CCDC187: variants seen among roughly 807,000 people sequenced by gnomAD.
CCDC187 encodes coiled-coil domain containing 187.
CCDC187 carries 32 observed loss-of-function variants against 38.0 expected under a neutral mutation model. The observed-to-expected ratio is 0.84, with a 90% CI of 0.64 to 1.13. CCDC187 has a LOEUF of 1.13. CCDC187 is among the 50% of genes most tolerant of loss of function. The pLI, the probability that CCDC187 is intolerant of heterozygous loss-of-function variation, is 0.00. For missense variants in CCDC187, 707 were observed against 786.8 expected (o/e 0.90, Z 1.21); for synonymous variants, 333 against 347.9 (o/e 0.96, Z 0.48).
chr9:136,290,733 C>G lies in CCDC187; in HGVS notation c.1880G>C (p.Arg627Pro). The change falls in exon 6 of 26, where the codon CGG (arginine) becomes CCG (proline). Residue 627 changes from arginine to proline, a missense_variant. Transcript: ENST00000638797. ...GCTGTGCGAGGGTCCCAGGAGCCCC[C>G]GGGACCTGGGGCAGGGCCGCAGCGT... ...KDTLRPCPRS[R>P]GLLGPSHSSE... 2 of 398,482 alleles carry G rather than the reference C, an allele frequency of 5.0e-6. No homozygotes were observed. The highest frequency in any genetic ancestry group is 8.9e-6 in the Non-Finnish European group (2 of 225,932). The allele number at this position is 398,482 out of a possible 1,614,324, so 24.7% of individuals were successfully genotyped here. A position where few individuals can be genotyped will look rare whatever the true frequency, so the allele number is the denominator to read the frequency against.
chr9:136,291,057 C>T lies in CCDC187; in HGVS notation c.1556G>A (p.Ser519Asn). 1 of 398,706 alleles carries T rather than the reference C, an allele frequency of 2.5e-6. No homozygotes were observed. The highest frequency in any genetic ancestry group is 4.4e-6 in the Non-Finnish European group (1 of 226,174). 24.7% of individuals were successfully genotyped at this position (398,706 alleles called of 1,614,324 possible). The stretch of plus-strand genomic sequence containing the variant: ...GAAGGGGCTCCGCTTTTCAGGGGGG[C>T]TCCCAGGCCTCTGGGAGGAGGGGCC... ...RQGPSSQRPG[S>N]PPEKRSPFPQ... is the part of the protein sequence containing the mutation. Residue 519 changes from serine (S) to asparagine (N), a missense_variant, in exon 6 of 26, where the codon AGC becomes AAC. By Grantham distance (46) the Ser-to-Asn change is conservative. Transcript: ENST00000638797.
In CCDC187 at chr9:136,256,227, G is replaced by A. The variant is rs1554760296; in HGVS notation, c.4600C>T (p.Arg1534Ter). The change falls in exon 24 of 26, where the codon CGA (arginine) becomes TGA (stop). Residue 1534 changes from arginine (R) to a stop codon, truncating the protein, a stop_gained. Coordinates refer to ENST00000638797, the MANE Select transcript of CCDC187 (RefSeq NM_001378188.1). LOFTEE classifies it high-confidence loss of function. Reference sequence around the variant, plus strand: ...GCCCCACACCTCTGCTCCCCCGATCGCCAGCTCTCGGTTTCCTGGGACTCC... The same window carrying A: ...GCCCCACACCTCTGCTCCCCCGATCACCAGCTCTCGGTTTCCTGGGACTCC... ...VEESQETESW[R>*]SGEQRTEACQ... 3 of 985,406 alleles carry A rather than the reference G, an allele frequency of 3.0e-6. No individual in the cohort carries two copies. Among genetic ancestry groups the A allele is most frequent in the African/African-American group, 1.7e-5 (1 of 57,214 alleles). The allele number at this position is 985,406 out of a possible 1,614,324, so 61.0% of individuals were successfully genotyped here. A position where few individuals can be genotyped will look rare whatever the true frequency, so the allele number is the denominator to read the frequency against.
Position 136,291,430 on chromosome 9 carries a change from C to T in CCDC187, c.1183G>A (p.Gly395Arg), listed in dbSNP as rs1256574413. ...GLELAQARKGGQELGPSKRRL... is the reference protein window; with the variant it reads ...GLELAQARKGRQELGPSKRRL... ...CGCTTTGATGGCCCGAGCTCTTGCC[C>T]TCCCTTGCGGGCCTGGGCCAGCTCC... The change falls in exon 6 of 26, where the codon GGG becomes AGG. Residue 395 changes from glycine (G) to arginine (R), a missense_variant. Transcript: ENST00000638797. The T allele has an allele frequency of 1.5e-5, 6 of 398,804 alleles. No individual in the cohort carries two copies. Among genetic ancestry groups the T allele is most frequent in the African/African-American group, 8.2e-5 (4 of 48,650 alleles). The allele number at this position is 398,804 out of a possible 1,614,324, so 24.7% of individuals were successfully genotyped here.
intron 4 of CCDC187, chr9:136,295,740 G>C (rs1455514416): frequency 6.6e-6 from 1 of 152,220 alleles, no homozygotes; most frequent in Non-Finnish European, 1.5e-5. Context: ...AGGGTGACAC[G>C]GTGTTTACGA....
At chr9:136,259,167 C>T (rs1292814807) in intron 21 of CCDC187, among the ~76,000 whole-genome samples, 166 bp from the exon 22 acceptor site, 1 of 144,930 alleles carries the variant, frequency 6.9e-6, no homozygotes. Context: ...CAAACAGGGA[C>T]CCACTGCAGG....
chr9:136,269,189 T>A (rs1365341156), intron 14 of CCDC187, among the ~76,000 whole-genome samples: 3 of 152,312 alleles, frequency 2.0e-5, no homozygotes, highest in Non-Finnish European at 4.4e-5. Context: ...ACCTTAGGAC[T>A]CCCAGGTCAC....
chr9:136,293,394 C>CACACAA (rs1831413209), intron 4 of CCDC187, among the ~76,000 whole-genome samples: 2 of 127,308 alleles, frequency 1.6e-5, no homozygotes, highest in Admixed American at 7.9e-5. Context: ...CACATGCTCA[C>CACACAA]ACACTCACAA....
rs782556278 is a variant in CCDC187, at chr9:136,250,787, C to T, written c.*2807G>A. On this transcript the variant is annotated 3_prime_UTR_variant, in exon 26 of 26. Coordinates refer to ENST00000638797, the MANE Select transcript of CCDC187 (RefSeq NM_001378188.1). ...GAATGGGGACCCTGACACAGGCCGGCCATTGTTAACGGCACCTGGGGCTAA... is the reference window on the plus strand; with the variant it reads ...GAATGGGGACCCTGACACAGGCCGGTCATTGTTAACGGCACCTGGGGCTAA... 1.5e-5 allele frequency: 7 copies of T among 456,306 alleles called. No homozygotes were observed. Among genetic ancestry groups the T allele is most frequent in the East Asian group, 1.4e-4 (2 of 14,382 alleles). 28.3% of individuals were successfully genotyped at this position (456,306 alleles called of 1,614,324 possible). A position where few individuals can be genotyped will look rare whatever the true frequency, so the allele number is the denominator to read the frequency against.
chr9:136,284,826 G>A (rs1045272903), intron 9 of CCDC187, among the ~76,000 whole-genome samples: 6 of 152,262 alleles, frequency 3.9e-5, no homozygotes, highest in Middle Eastern at 3.4e-3. Context: ...GTGCTCGGGA[G>A]GGAGCGGCCG....
intron 20 of CCDC187, among the ~76,000 whole-genome samples, chr9:136,259,804 C>G (rs1158821418): frequency 2.0e-5 from 3 of 152,156 alleles, no homozygotes; most frequent in Non-Finnish European, 2.9e-5. Context: ...CCCAGGGGCT[C>G]TGAGTAGCCG....
chr9:136,293,687 CTG>C (rs1345529075), intron 4 of CCDC187, among the ~76,000 whole-genome samples: 2 of 152,106 alleles, frequency 1.3e-5, no homozygotes, highest in African/African-American at 2.4e-5. Flanking sequence ...CTCGCACGTG[CTG>C]TCACACATGC....
In CCDC187 at chr9:136,290,030, CAGGCTCCCGG is replaced by C. The variant is rs1481110802; in HGVS notation, c.2141_2150del (p.Ser714TrpfsTer11). The C allele has an allele frequency of 5.0e-6, 2 of 398,622 alleles. No individual in the cohort carries two copies. The highest frequency in any genetic ancestry group is 4.4e-6 in the Non-Finnish European group (1 of 226,172). 24.7% of individuals were successfully genotyped at this position (398,622 alleles called of 1,614,324 possible). A position where few individuals can be genotyped will look rare whatever the true frequency, so the allele number is the denominator to read the frequency against. ...TGCTCCATTCCAGCACTGGGGACTCCAGGCTCCCGGAGGCTTCCAGGCCCTAAAGTAGAGG... is the reference window on the plus strand; with the variant it reads ...TGCTCCATTCCAGCACTGGGGACTCCAGGCTTCCAGGCCCTAAAGTAGAGG... On this transcript the variant is annotated frameshift_variant, in exon 7 of 26. Transcript: ENST00000638797. LOFTEE classifies it high-confidence loss of function.
At chr9:136,302,171 G>C (rs1831702413) in intron 2 of CCDC187, among the ~76,000 whole-genome samples, 7 of 152,214 alleles carry the variant, frequency 4.6e-5, no homozygotes. Flanking sequence ...CTGGGTGACA[G>C]AGCGAGACTC....
At chr9:136,280,022 G>A (rs999686274) in intron 10 of CCDC187, among the ~76,000 whole-genome samples, 2,534 of 152,322 alleles carry the variant, frequency 0.017, 33 homozygotes, top group Non-Finnish European at 0.027. Context: ...CCAGAACTGT[G>A]AGCCAATACA....
In CCDC187 at chr9:136,255,124, C is replaced by G. The variant is rs140417574; in HGVS notation, c.4704G>C (p.Val1568=). The change falls in exon 26 of 26, where the codon GTG becomes GTC. Residue 1568 remains valine (V), a synonymous_variant. Coordinates refer to ENST00000638797, the MANE Select transcript of CCDC187 (RefSeq NM_001378188.1). ...AQAAASPAAP[V]VPEEAAPPIL... Reference sequence around the variant, plus strand: ...TTGGGGGCGCCGCCTCCTCAGGGACCACAGGAGCTGCTAAGAGAGGGGGCA... The same window carrying G: ...TTGGGGGCGCCGCCTCCTCAGGGACGACAGGAGCTGCTAAGAGAGGGGGCA... The G allele has an allele frequency of 0.014, 14,154 of 985,448 alleles. 118 individuals are homozygous for G. The highest frequency in any genetic ancestry group is 0.016 in the Non-Finnish European group (13,417 of 829,964). 61.0% of individuals were successfully genotyped at this position (985,448 alleles called of 1,614,324 possible).
rs567193018 is a variant in CCDC187, at chr9:136,270,185, A to C, written c.3443-2060T>G. Among the ~76,000 whole-genome samples the C allele has an allele frequency of 1.2e-3, 186 of 152,350 alleles. 1 individual carries two copies. The Middle Eastern group carries it at 0.017, about 14-fold the overall frequency. On this transcript the variant is annotated intron_variant, in intron 14 of 25. Transcript: ENST00000638797. ...TTCTCCCCATGTGCGGAGATGAGAG[A>C]TCGTAAGAAATAAAGACACAAGGCA...
At chr9:136,302,653 A>T (rs2131370102) in intron 2 of CCDC187, among the ~76,000 whole-genome samples, 159 bp downstream of exon 2, 1 of 152,220 alleles carries the variant, frequency 6.6e-6, no homozygotes, top group African/African-American at 2.4e-5. Context: ...CCCAGCTCAG[A>T]AGCACCCCTT....
Position 136,303,067 on chromosome 9 carries a change from C to T in CCDC187, c.370G>A (p.Gly124Ser), listed in dbSNP as rs1253077453. The part of the protein sequence containing the change: ...SSGRLSCSSG[G>S]HDVCVSWKER... ...TTCCAAGACACACACACGTCGTGGC[C>T]CCCCGAAGAGCACGAGAGGCGGCCC... The change falls in exon 2 of 26, where the codon GGC (glycine) becomes AGC (serine). Residue 124 changes from glycine (G) to serine (S), a missense_variant. Transcript: ENST00000638797. The T allele has an allele frequency of 1.3e-5, 5 of 398,566 alleles. No homozygotes were observed. Among genetic ancestry groups the T allele is most frequent in the Admixed American group, 4.4e-5 (1 of 22,720 alleles). The allele number at this position is 398,566 out of a possible 1,614,324, so 24.7% of individuals were successfully genotyped here.
chr9:136,265,984 T>C lies in CCDC187; in HGVS notation c.3707A>G (p.Gln1236Arg). The C allele has an allele frequency of 1.0e-6, 1 of 984,938 alleles. No individual in the cohort carries two copies. Among genetic ancestry groups the C allele is most frequent in the Non-Finnish European group, 1.2e-6 (1 of 829,426 alleles). The allele number at this position is 984,938 out of a possible 1,614,324, so 61.0% of individuals were successfully genotyped here. A position where few individuals can be genotyped will look rare whatever the true frequency, so the allele number is the denominator to read the frequency against. ...VLAALVEKQQ[Q>R]ALSRLEKEQR... ...CTCCTTCTCCAATCTGCTGAGGGCT[T>C]GCTGCTGCTTCTCAACCAGCGCGGC... is the stretch of plus-strand genomic sequence containing the variant. Residue 1236 changes from glutamine (Q) to arginine (R), a missense_variant, in exon 17 of 26, where the codon CAA becomes CGA. By Grantham distance (43) the Gln-to-Arg change is conservative. Transcript: ENST00000638797.
Sources: allele counts gnomAD v4.1 joint callset (sites outside exome capture counted in the v4.1 genomes callset), GRCh38; gene constraint gnomAD v4.1.1; transcripts MANE v1.5; gene names NCBI Gene and HGNC (gene_info 2026-07-23, HGNC 2026-07-21).